CAST: variants seen among roughly 807,000 people sequenced by gnomAD.
CAST encodes the protein MIR583 host.
CAST carries 76 observed loss-of-function variants against 119.6 expected under a neutral mutation model. The observed-to-expected ratio is 0.64, with a 90% confidence interval of 0.53 to 0.77. The LOEUF is 0.77. CAST is among the 30% of genes least tolerant of loss of function. The probability of loss-of-function intolerance (pLI) is 0.00; values close to 1 mark genes in which losing one functional copy is unlikely to be tolerated. For missense variants in CAST, 953 were observed against 946.5 expected (o/e 1.01, Z -0.09); for synonymous variants, 319 against 331.6 (o/e 0.96, Z 0.41).
At chr5:96,605,270 G>C (rs1193407218) in intron 1 of CAST, among the ~76,000 whole-genome samples, 2 of 152,270 alleles carry the variant, frequency 1.3e-5, no homozygotes, top group East Asian at 3.9e-4. Context: ...TACACTTATA[G>C]CTGCTTTTCA....
rs570942350 is a variant in CAST, at chr5:96,728,696, C to CT, written c.379-455dup. On this transcript the variant is annotated intron_variant, in intron 6 of 31. Coordinates refer to ENST00000675179, the MANE Select transcript of CAST (RefSeq NM_001750.7). ...GTTTCACTGTGTTAGCCAGGATGGT[C>CT]TTGATCTCCTGACCTTGTGATACGC... The CT allele has an allele frequency of 5.3e-3, 815 of 154,638 alleles. 1 individual carries two copies. Among genetic ancestry groups the CT allele is most frequent in the Non-Finnish European group, 7.1e-3 (492 of 69,658 alleles). The allele number at this position is 154,638 out of a possible 1,614,324, so 9.6% of individuals were successfully genotyped here. A position where few individuals can be genotyped will look rare whatever the true frequency, so the allele number is the denominator to read the frequency against.
At chr5:96,668,573 C>G (rs1749644281) in intron 1 of CAST, among the ~76,000 whole-genome samples, 1 of 152,130 alleles carries the variant, frequency 6.6e-6, no homozygotes. Context: ...AACCAGGTGC[C>G]TCACTAATGT....
At chr5:96,295,941 G>A in the CAST span, among the ~76,000 whole-genome samples, 1 of 152,156 alleles carries the variant, frequency 6.6e-6, no homozygotes, top group Non-Finnish European at 1.5e-5. Flanking sequence ...GTTAACAGTT[G>A]TTATGTCTAA....
At chr5:96,222,491 C>T in the CAST span, among the ~76,000 whole-genome samples, 1 of 151,950 alleles carries the variant, frequency 6.6e-6, no homozygotes, top group Admixed American at 6.6e-5. Flanking sequence ...ATACAAATGG[C>T]CAACAGGTAT....
the CAST span, among the ~76,000 whole-genome samples, chr5:96,086,672 A>G: frequency 2.3e-5 from 2 of 88,012 alleles, no homozygotes; most frequent in African/African-American, 8.0e-5. Flanking sequence ...TGGTCCAGAG[A>G]GGCTGTTAGA....
At chr5:96,397,570 C>A in the CAST span, 10 of 1,117,690 alleles carry the variant, frequency 8.9e-6, no homozygotes, top group East Asian at 2.2e-4. Context: ...AAGATGAGTT[C>A]TCCTAATTTT....
At chr5:96,198,840 A>G in the CAST span, among the ~76,000 whole-genome samples, 1 of 152,070 alleles carries the variant, frequency 6.6e-6, no homozygotes, top group Non-Finnish European at 1.5e-5. Flanking sequence ...CATTTTTATG[A>G]CTTGAATTTG....
At chr5:96,498,748 C>G in the CAST span, among the ~76,000 whole-genome samples, 3 of 152,304 alleles carry the variant, frequency 2.0e-5, no homozygotes, top group East Asian at 1.9e-4. Flanking sequence ...GTTGTCCTTA[C>G]TGTTGCTAGT....
At chr5:96,381,981 T>C in the CAST span, among the ~76,000 whole-genome samples, 2 of 152,224 alleles carry the variant, frequency 1.3e-5, no homozygotes, top group Admixed American at 6.5e-5. Flanking sequence ...TGGCGTTAAA[T>C]AAATCTATAC....
At chr5:96,362,113 T>G in the CAST span, among the ~76,000 whole-genome samples, 1 of 152,110 alleles carries the variant, frequency 6.6e-6, no homozygotes, top group African/African-American at 2.4e-5. Context: ...GATAGTTTGC[T>G]GAGAATGATG....
intron 22 of CAST, 73 bp downstream of exon 22, chr5:96,754,814 G>T: frequency 1.2e-6 from 1 of 851,342 alleles, no homozygotes; most frequent in Non-Finnish European, 2.0e-6. Flanking sequence ...AAGGTACTTG[G>T]GAACAGAACT....
chr5:96,177,121 A>T, the CAST span, among the ~76,000 whole-genome samples: 1 of 152,144 alleles, frequency 6.6e-6, no homozygotes, highest in Non-Finnish European at 1.5e-5. Context: ...AATTTTAGAG[A>T]TGGTGAAATT....
chr5:96,114,742 G>A, the CAST span, among the ~76,000 whole-genome samples: 1 of 152,316 alleles, frequency 6.6e-6, no homozygotes. Context: ...GGAGTTGCCT[G>A]TCTAAGATAT....
At chr5:96,248,574 A>G in the CAST span, among the ~76,000 whole-genome samples, 1 of 152,220 alleles carries the variant, frequency 6.6e-6, no homozygotes, top group African/African-American at 2.4e-5. Context: ...CCAGATAGAA[A>G]TGGGTTAGAG....
chr5:96,033,011 G>A, the CAST span, among the ~76,000 whole-genome samples: 1 of 151,990 alleles, frequency 6.6e-6, no homozygotes, highest in South Asian at 2.1e-4. Flanking sequence ...AAAAATAGTA[G>A]CATTTCTATA....
the CAST span, among the ~76,000 whole-genome samples, chr5:96,070,169 A>G: frequency 3.9e-5 from 6 of 152,194 alleles, no homozygotes; most frequent in Admixed American, 2.0e-4. Flanking sequence ...TTAAAGTTTC[A>G]TGATTTAAAT....
At chr5:96,703,069 T>C (rs544405071) in intron 3 of CAST, among the ~76,000 whole-genome samples, 26 of 152,318 alleles carry the variant, frequency 1.7e-4, no homozygotes, top group South Asian at 8.3e-4. Context: ...ATCGCGACCC[T>C]GGCGATACCG....
chr5:96,543,169 G>A (rs1272245805), intron 1 of CAST, among the ~76,000 whole-genome samples: 1 of 152,188 alleles, frequency 6.6e-6, no homozygotes, highest in Non-Finnish European at 1.5e-5. Context: ...TAAAGAAAAT[G>A]TGGCACATAT....
the CAST span, among the ~76,000 whole-genome samples, chr5:96,281,572 C>G: frequency 6.6e-6 from 1 of 152,170 alleles, no homozygotes; most frequent in East Asian, 1.9e-4. Flanking sequence ...TTATGTCCCC[C>G]AGAAGACTTC....
Sources: allele counts gnomAD v4.1 joint callset (sites outside exome capture counted in the v4.1 genomes callset), GRCh38; gene constraint gnomAD v4.1.1; transcripts MANE v1.5; gene names NCBI Gene and HGNC (gene_info 2026-07-23, HGNC 2026-07-21).